NDUFAF6: variants seen among roughly 807,000 people sequenced by gnomAD.
NDUFAF6 encodes NADH:ubiquinone oxidoreductase complex assembly factor 6.
NDUFAF6 carries 45 observed loss-of-function variants against 40.8 expected under a neutral mutation model. The ratio of observed to expected loss-of-function variants is 1.10; its 90% CI spans 0.87 to 1.42. The LOEUF is 1.42. Ranked by LOEUF, NDUFAF6 falls within the 40% of genes most tolerant of loss-of-function variation. The probability of loss-of-function intolerance (pLI) is 0.00; values close to 1 mark genes in which losing one functional copy is unlikely to be tolerated. For synonymous variants in NDUFAF6, 185 were observed against 155.9 expected, an observed-to-expected ratio of 1.19 and a Z score of -1.39; for missense variants, 435 against 418.5, an observed-to-expected ratio of 1.04 and a Z score of -0.34.
chr8:95,100,698 C>T (rs1432008714), intron 1 of NDUFAF6, among the ~76,000 whole-genome samples: 2 of 152,146 alleles, frequency 1.3e-5, no homozygotes, highest in Non-Finnish European at 2.9e-5. Flanking sequence ...TACCCAGAAA[C>T]CTTTGCATGA....
At chr8:94,960,917 A>G (rs1001999171) in intron 1 of NDUFAF6, among the ~76,000 whole-genome samples, 25 of 152,252 alleles carry the variant, frequency 1.6e-4, no homozygotes, top group African/African-American at 5.8e-4. Context: ...CGTCAGCTAC[A>G]TAAACTGTGA....
At chr8:95,059,741 C>T (rs551845793), downstream of NDUFAF6, among the ~76,000 whole-genome samples, 6 of 151,946 alleles carry the variant, frequency 3.9e-5, no homozygotes, top group East Asian at 1.2e-3. Context: ...CCCAGCTACT[C>T]GGGAGGCCGA....
At chr8:94,990,167 C>G (rs957372096) in intron 2 of NDUFAF6, among the ~76,000 whole-genome samples, 1 of 152,134 alleles carries the variant, frequency 6.6e-6, no homozygotes, top group Non-Finnish European at 1.5e-5. Context: ...TGCCAGGAGT[C>G]CTGAGTGACT....
chr8:94,991,307 C>T (rs970778241), intron 2 of NDUFAF6, among the ~76,000 whole-genome samples: 8 of 152,180 alleles, frequency 5.3e-5, no homozygotes, highest in African/African-American at 1.7e-4. Context: ...TATTCTGCCT[C>T]TGATGTTATT....
intron 2 of NDUFAF6, among the ~76,000 whole-genome samples, chr8:94,949,754 T>C (rs1427991260): frequency 6.6e-6 from 1 of 152,084 alleles, no homozygotes; most frequent in Non-Finnish European, 1.5e-5. Context: ...GCGACCCCTC[T>C]CGCCGAGTGA....
At chr8:94,931,339 T>G (rs1820372865) in intron 1 of NDUFAF6, among the ~76,000 whole-genome samples, 1 of 152,206 alleles carries the variant, frequency 6.6e-6, no homozygotes, top group African/African-American at 2.4e-5. Flanking sequence ...TTTTTCTTTA[T>G]CTCACAACAG....
chr8:95,031,451 G>T (rs1450409000), intron 1 of NDUFAF6, among the ~76,000 whole-genome samples: 1 of 152,162 alleles, frequency 6.6e-6, no homozygotes, highest in Non-Finnish European at 1.5e-5. Flanking sequence ...TAAAACAAAA[G>T]TGATTCTGAA....
chr8:95,035,548 A>G lies in NDUFAF6; in HGVS notation c.392A>G (p.His131Arg). Residue 131 changes from histidine to arginine, a missense_variant, in exon 3 of 9, where the codon CAT becomes CGT. Coordinates refer to ENST00000396124, the MANE Select transcript of NDUFAF6 (RefSeq NM_152416.4). ...GATATATACTGTGACAATCCACCAC[A>G]TCAGCCTGTGGCCATTGAACTATGG... ...VEDIYCDNPP[H>R]QPVAIELWKA... 6.2e-7 allele frequency: 1 copy of G among 1,612,474 alleles called. No individual in the cohort carries two copies. Among genetic ancestry groups the G allele is most frequent in the Non-Finnish European group, 8.5e-7 (1 of 1,179,596 alleles).
At chr8:94,937,348 G>C (rs1465948610) in intron 1 of NDUFAF6, among the ~76,000 whole-genome samples, 1 of 151,684 alleles carries the variant, frequency 6.6e-6, no homozygotes, top group Non-Finnish European at 1.5e-5. Context: ...GGCTGAGAAA[G>C]GAGAATCACT....
At chr8:94,937,205 G>T (rs116291237) in intron 1 of NDUFAF6, among the ~76,000 whole-genome samples, 2,294 of 152,264 alleles carry the variant, frequency 0.015, 19 homozygotes, top group Non-Finnish European at 0.019. Flanking sequence ...ACTTTGGGAG[G>T]CAGAGGCGGT....
intron 1 of NDUFAF6, among the ~76,000 whole-genome samples, chr8:94,931,288 C>T (rs897487412): frequency 5.3e-5 from 8 of 152,032 alleles, no homozygotes; most frequent in African/African-American, 1.7e-4. Context: ...TGCCATTTTT[C>T]TAGATAAAAA....
At chr8:95,064,316 A>T (rs1832647738) in intron 9 of NDUFAF6, among the ~76,000 whole-genome samples, 1 of 151,952 alleles carries the variant, frequency 6.6e-6, no homozygotes, top group African/African-American at 2.4e-5. Flanking sequence ...TTAGAAATAG[A>T]TCTGTTTGAA....
At position 94,940,211 on chromosome 8, in the gene NDUFAF6, G is replaced by A. The variant is rs139289359; in HGVS notation, c.-935-5272G>A. On this transcript the variant is annotated intron_variant, in intron 1 of 14. Transcript: ENST00000396113. ...TTCTTCTTCTTCTGCTGAGAAACCA[G>A]TGCAAGTATCTAGATCGTAGTCCAC... The A allele has an allele frequency of 6.5e-5, 105 of 1,609,278 alleles. No individual in the cohort carries two copies. The South Asian group carries it at 9.3e-4, about 14-fold the overall frequency.
rs755357499 is a variant in NDUFAF6 at position 95,047,003 on chromosome 8, A to T, written c.590A>T (p.Asp197Val). ...YLTLEILGIKDLHADHAASHI... is the reference protein window; with the variant it reads ...YLTLEILGIKVLHADHAASHI... Reference sequence around the variant, plus strand: ...ATTTCTGAAATCATAGGTATAAAGGATCTTCATGCAGATCATGCTGCAAGT... The same window carrying T: ...ATTTCTGAAATCATAGGTATAAAGGTTCTTCATGCAGATCATGCTGCAAGT... The change falls in exon 6 of 9, where the codon GAT (aspartate) becomes GTT (valine). Residue 197 changes from aspartate (D) to valine (V), a missense_variant. Transcript: ENST00000396124. 1.2e-6 allele frequency: 2 copies of T among 1,613,994 alleles called. No homozygotes were observed. Among genetic ancestry groups the T allele is most frequent in the East Asian group, 4.5e-5 (2 of 44,882 alleles).
At chr8:95,052,528 A>T (rs1380961340) in intron 8 of NDUFAF6, among the ~76,000 whole-genome samples, 1 of 152,172 alleles carries the variant, frequency 6.6e-6, no homozygotes, top group Non-Finnish European at 1.5e-5. Context: ...CACATTCCTC[A>T]GTTTACTCTT....
chr8:95,067,022 G>T (rs1832721017), intron 9 of NDUFAF6: 1 of 152,212 alleles, frequency 6.6e-6, no homozygotes, highest in Admixed American at 6.5e-5. Flanking sequence ...TCCATTCAAA[G>T]AAATTTTCAA....
intron 1 of NDUFAF6, chr8:94,939,710 T>TA (rs1563730239): frequency 8.7e-7 from 1 of 1,146,748 alleles, no homozygotes; most frequent in East Asian, 2.5e-5. Context: ...CAAGTTATCT[T>TA]ACGGACCATC....
intron 2 of NDUFAF6, among the ~76,000 whole-genome samples, chr8:94,950,531 A>C (rs1438788190): frequency 1.3e-5 from 2 of 152,226 alleles, no homozygotes; most frequent in Non-Finnish European, 2.9e-5. Flanking sequence ...TCCATTTCCA[A>C]CAATGCTGGT....
chr8:94,920,188 A>G (rs1819406414), intron 1 of NDUFAF6, among the ~76,000 whole-genome samples: 1 of 152,258 alleles, frequency 6.6e-6, no homozygotes, highest in African/African-American at 2.4e-5. Context: ...ACACTATATA[A>G]GAACCATCTG....
Sources: allele counts gnomAD v4.1 joint callset (sites outside exome capture counted in the v4.1 genomes callset), GRCh38; gene constraint gnomAD v4.1.1; transcripts MANE v1.5; gene names NCBI Gene and HGNC (gene_info 2026-07-23, HGNC 2026-07-21).